FOCAD: variants seen among roughly 807,000 people sequenced by gnomAD.
FOCAD encodes the protein focadhesin.
Under a neutral mutation model 225.6 loss-of-function variants are expected in FOCAD, and 198 were observed. The observed-to-expected ratio is 0.88, with a 90% CI of 0.78 to 0.99. The LOEUF (loss-of-function observed/expected upper bound fraction) is 0.99. FOCAD is among the 50% of genes least tolerant of loss of function. The pLI is 0.00. For synonymous variants in FOCAD, 897 were observed against 755.0 expected (o/e 1.19, Z -3.08); for missense variants, 2,713 against 2,123.6 (o/e 1.28, Z -5.46).
At chr9:20,763,500 T>C (rs1290333539) in intron 6 of FOCAD, among the ~76,000 whole-genome samples, 1 of 152,192 alleles carries the variant, frequency 6.6e-6, no homozygotes, top group Admixed American at 6.5e-5. Flanking sequence ...AGGCATTGTA[T>C]CTTAAAAGCA....
At chr9:20,722,342 C>T (rs1825855911) in intron 4 of FOCAD, among the ~76,000 whole-genome samples, 1 of 152,170 alleles carries the variant, frequency 6.6e-6, no homozygotes, top group African/African-American at 2.4e-5. Context: ...TTCAGTCTTC[C>T]TGAGCCCTTG....
At chr9:20,983,172 A>G (rs1840854146) in intron 39 of FOCAD, among the ~76,000 whole-genome samples, 1 of 152,194 alleles carries the variant, frequency 6.6e-6, no homozygotes, top group Non-Finnish European at 1.5e-5. Flanking sequence ...TTGAGCCCCC[A>G]TCTAGGCCTA....
intron 5 of FOCAD, among the ~76,000 whole-genome samples, chr9:20,747,049 T>C (rs745781988): frequency 6.6e-5 from 10 of 152,192 alleles, no homozygotes; most frequent in Non-Finnish European, 1.3e-4. Context: ...TGAATAGTTA[T>C]CATTTTTTTG....
At chr9:20,756,751 C>T (rs956265544) in intron 5 of FOCAD, among the ~76,000 whole-genome samples, 5 of 152,142 alleles carry the variant, frequency 3.3e-5, no homozygotes, top group African/African-American at 1.2e-4. Flanking sequence ...TTTTGAGAAT[C>T]ACCATGAAGG....
intron 15 of FOCAD, among the ~76,000 whole-genome samples, chr9:20,842,212 G>C (rs901247595): frequency 1.3e-5 from 2 of 151,788 alleles, no homozygotes; most frequent in South Asian, 4.1e-4. Flanking sequence ...GGAGAAGAAT[G>C]TGTATTTCTG....
Position 20,874,925 on chromosome 9 carries a change from A to G in FOCAD, c.2317+118A>G, listed in dbSNP as rs1031596692. On this transcript the variant is annotated intron_variant, in intron 19 of 43. Transcript: ENST00000338382. ...AACCTTATGTGCTTATTTTTTAACCAGAATGTTAAATGCACCCATCTGTTC... is the reference window on the plus strand; with the variant it reads ...AACCTTATGTGCTTATTTTTTAACCGGAATGTTAAATGCACCCATCTGTTC... 7 of 1,290,284 alleles carry G rather than the reference A, an allele frequency of 5.4e-6. No homozygotes were observed. The African/African-American group carries it at 6.0e-5, about 11-fold the overall frequency. The allele number at this position is 1,290,284 out of a possible 1,614,324, so 79.9% of individuals were successfully genotyped here.
intron 27 of FOCAD, among the ~76,000 whole-genome samples, chr9:20,929,972 T>A (rs1271606562): frequency 6.6e-6 from 1 of 152,178 alleles, no homozygotes; most frequent in Non-Finnish European, 1.5e-5. Flanking sequence ...AATCTTTTGT[T>A]GATATCATTG....
At chr9:20,906,310 G>C (rs887612111) in intron 21 of FOCAD, among the ~76,000 whole-genome samples, 1 of 151,100 alleles carries the variant, frequency 6.6e-6, no homozygotes, top group African/African-American at 2.4e-5. Flanking sequence ...ATACAAATTT[G>C]TTTTCTCTCT....
intron 24 of FOCAD, among the ~76,000 whole-genome samples, chr9:20,919,542 T>C (rs910370407): frequency 2.6e-5 from 4 of 152,130 alleles, no homozygotes; most frequent in Admixed American, 6.6e-5. Context: ...GGAGGCATCA[T>C]GCTACCTGAC....
At chr9:20,853,990 T>A (rs1827923350) in intron 15 of FOCAD, among the ~76,000 whole-genome samples, 2 of 151,808 alleles carry the variant, frequency 1.3e-5, no homozygotes, top group Admixed American at 6.6e-5. Context: ...TTGTGTGTGC[T>A]GAATTAGCTT....
At chr9:20,894,592 A>G (rs759629462) in intron 21 of FOCAD, among the ~76,000 whole-genome samples, 9 of 152,138 alleles carry the variant, frequency 5.9e-5, no homozygotes, top group Non-Finnish European at 1.3e-4. Flanking sequence ...TTTAATTCGC[A>G]TATCCCTGAT....
At chr9:20,880,112 GT>G (rs1830545960) in intron 19 of FOCAD, among the ~76,000 whole-genome samples, 1 of 152,162 alleles carries the variant, frequency 6.6e-6, no homozygotes, top group African/African-American at 2.4e-5. Flanking sequence ...TTACTCATCT[GT>G]TTTGTGTAAA....
chr9:20,679,115 CTGTGTATGTGTGTG>C (rs1274772328), intron 2 of FOCAD, among the ~76,000 whole-genome samples: 14 of 92,964 alleles, frequency 1.5e-4, no homozygotes, highest in African/African-American at 5.7e-4. Flanking sequence ...AACAGACAGT[CTGTGTATGTGTGTG>C]TGTGTGTGTG....
chr9:20,919,774 A>C (rs1834217449), intron 24 of FOCAD, among the ~76,000 whole-genome samples: 1 of 152,212 alleles, frequency 6.6e-6, no homozygotes, highest in East Asian at 1.9e-4. Flanking sequence ...GAAAGCTGAA[A>C]CTGGATCCCT....
At chr9:20,826,554 C>T (rs968448086) in intron 15 of FOCAD, among the ~76,000 whole-genome samples, 3 of 152,040 alleles carry the variant, frequency 2.0e-5, no homozygotes, top group South Asian at 2.1e-4. Context: ...ACCTTGTGAT[C>T]GTGTGAGTCA....
At chr9:20,722,432 C>T (rs1825863136) in intron 4 of FOCAD, among the ~76,000 whole-genome samples, 1 of 152,200 alleles carries the variant, frequency 6.6e-6, no homozygotes, top group Non-Finnish European at 1.5e-5. Flanking sequence ...AGGCTGTGCT[C>T]AGATGTCCTC....
chr9:20,708,095 C>G (rs1160093709), intron 1 of FOCAD, among the ~76,000 whole-genome samples: 25 of 152,106 alleles, frequency 1.6e-4, no homozygotes, highest in Non-Finnish European at 1.5e-5. Flanking sequence ...CAGGGTCAGT[C>G]AGTTGGTGAC....
chr9:20,804,483 A>G (rs1054583471), intron 11 of FOCAD, among the ~76,000 whole-genome samples: 2 of 152,094 alleles, frequency 1.3e-5, no homozygotes. Flanking sequence ...CAGTAGAAAA[A>G]TGAAGAATCA....
Position 20,978,324 on chromosome 9 carries a change from T to C in FOCAD, c.4262-15T>C. The C allele has an allele frequency of 6.4e-7, 1 of 1,560,960 alleles. No homozygotes were observed. The highest frequency in any genetic ancestry group is 8.8e-7 in the Non-Finnish European group (1 of 1,142,106). On this transcript the variant is annotated splice_polypyrimidine_tract_variant and intron_variant, in intron 36 of 43. Coordinates refer to ENST00000338382, the MANE Select transcript of FOCAD (RefSeq NM_001375567.1). Reference sequence around the variant, plus strand: ...GTAACTATATATTCAATTCTTTTCCTTTCTTGACTTTCAGGTGAAGAGATC... The same window carrying C: ...GTAACTATATATTCAATTCTTTTCCCTTCTTGACTTTCAGGTGAAGAGATC...
Sources: gnomAD v4.1 joint callset for allele counts (sites outside exome capture counted in the v4.1 genomes callset) on GRCh38, gnomAD v4.1.1 for gene constraint, MANE v1.5 for transcripts, NCBI Gene and HGNC (gene_info 2026-07-23, HGNC 2026-07-21) for gene names.